KIAA0232: variants seen among roughly 807,000 people sequenced by gnomAD.
KIAA0232 encodes KIAA0232.
In KIAA0232, 27 loss-of-function variants were observed where a neutral mutation model predicts 122.0. The observed-to-expected ratio is 0.22, with a 90% CI of 0.16 to 0.31. The LOEUF (loss-of-function observed/expected upper bound fraction) is 0.31, where lower values mean the gene tolerates loss of function less well. Ranked by LOEUF, KIAA0232 falls within the 10% of genes least tolerant of loss-of-function variation. The pLI, the probability that KIAA0232 is intolerant of heterozygous loss-of-function variation, is 1.00. For synonymous variants in KIAA0232, 613 were observed against 587.6 expected, an observed-to-expected ratio of 1.04 and a Z score of -0.63; for missense variants, 1,551 against 1,634.2, an observed-to-expected ratio of 0.95 and a Z score of 0.88.
chr4:6,788,339 A>G (rs571667470), intron 1 of KIAA0232, among the ~76,000 whole-genome samples: 7 of 152,258 alleles, frequency 4.6e-5, no homozygotes, highest in South Asian at 2.1e-4. Flanking sequence ...TTGTCACCTT[A>G]TATTTCAACA....
chr4:6,870,962 C>T (rs940749339), intron 7 of KIAA0232, among the ~76,000 whole-genome samples: 5 of 152,206 alleles, frequency 3.3e-5, no homozygotes, highest in Admixed American at 2.6e-4. Flanking sequence ...CTTGGGGAAT[C>T]TAGAAGTTTG....
chr4:6,809,191 C>T (rs1055378958), intron 2 of KIAA0232, among the ~76,000 whole-genome samples: 1 of 152,160 alleles, frequency 6.6e-6, no homozygotes, highest in African/African-American at 2.4e-5. Flanking sequence ...GATAGTTTGT[C>T]TGTGTTTACC....
chr4:6,786,921 G>T (rs1208697035), intron 1 of KIAA0232, among the ~76,000 whole-genome samples: 4 of 152,076 alleles, frequency 2.6e-5, no homozygotes, highest in African/African-American at 9.7e-5. Flanking sequence ...GGTGGCTCAC[G>T]CCTGTAATTC....
Position 6,863,624 on chromosome 4 carries a change from A to G in KIAA0232, c.3242A>G (p.Asp1081Gly). The G allele has an allele frequency of 6.2e-7, 1 of 1,614,178 alleles. No individual in the cohort carries two copies. Among genetic ancestry groups the G allele is most frequent in the Non-Finnish European group, 8.5e-7 (1 of 1,180,018 alleles). Reference protein sequence around the residue: ...KPKSILCSDSDSEVFHPRICG... With the variant: ...KPKSILCSDSGSEVFHPRICG... Reference sequence around the variant, plus strand: ...AAATCAATCCTCTGTTCTGATTCAGACAGTGAAGTGTTTCACCCCAGGATA... The same window carrying G: ...AAATCAATCCTCTGTTCTGATTCAGGCAGTGAAGTGTTTCACCCCAGGATA... The change falls in exon 7 of 10, where the codon GAC (aspartate) becomes GGC (glycine). Residue 1081 changes from aspartate (D) to glycine (G), a missense_variant. Physicochemically the swap from Asp to Gly is moderately conservative, Grantham distance 94. This residue lies in a region of KIAA0232 where 1,108 missense variants were observed against 1,154.8 expected (regional missense o/e 0.96). Coordinates refer to ENST00000307659, the MANE Select transcript of KIAA0232 (RefSeq NM_014743.3).
At chr4:6,796,187 A>C (rs1019475176) in intron 1 of KIAA0232, among the ~76,000 whole-genome samples, 7 of 152,166 alleles carry the variant, frequency 4.6e-5, no homozygotes, top group Non-Finnish European at 1.0e-4. Flanking sequence ...GTAGAAGTGA[A>C]CGAGTCCTGG....
At chr4:6,842,912 A>G (rs1429383698) in intron 4 of KIAA0232, among the ~76,000 whole-genome samples, 4 of 152,066 alleles carry the variant, frequency 2.6e-5, no homozygotes, top group Non-Finnish European at 4.4e-5. Flanking sequence ...TCTGTTATGC[A>G]GTCTAGAATA....
chr4:6,866,197 G>A, intron 7 of KIAA0232: 1 of 982,492 alleles, frequency 1.0e-6, no homozygotes, highest in East Asian at 1.1e-4. Context: ...TCCAGATTGG[G>A]AAGAAAGAAA....
At chr4:6,800,541 T>C (rs1445984232) in intron 1 of KIAA0232, among the ~76,000 whole-genome samples, 1 of 151,346 alleles carries the variant, frequency 6.6e-6, no homozygotes, top group Non-Finnish European at 1.5e-5. Flanking sequence ...ATTAGCTGGG[T>C]GTGGTGGTAT....
At chr4:6,850,680 T>G (rs1720228256) in intron 4 of KIAA0232, among the ~76,000 whole-genome samples, 1 of 151,726 alleles carries the variant, frequency 6.6e-6, no homozygotes, top group Admixed American at 6.6e-5. Flanking sequence ...TTCTTTTTTT[T>G]TTTTTTTAGA....
Position 6,862,148 on chromosome 4 carries a change from A to G in KIAA0232, c.1766A>G (p.Gln589Arg). 1 of 1,614,142 alleles carries G rather than the reference A, an allele frequency of 6.2e-7. No homozygotes were observed. The highest frequency in any genetic ancestry group is 1.7e-5 in the Admixed American group (1 of 60,024). Reference protein sequence around the residue: ...LFLQDLGNLAQFWECCSSSSG... With the variant: ...LFLQDLGNLARFWECCSSSSG... ...CTGCAGGACCTTGGCAATCTGGCTC[A>G]GTTTTGGGAGTGCTGTTCATCCAGC... is the stretch of plus-strand genomic sequence containing the variant. The change falls in exon 7 of 10, where the codon CAG becomes CGG. Residue 589 changes from glutamine (Q) to arginine (R), a missense_variant. Physicochemically the swap from Gln to Arg is conservative, Grantham distance 43. This residue lies in a region of KIAA0232 where 1,108 missense variants were observed against 1,154.8 expected (regional missense o/e 0.96). Coordinates refer to ENST00000307659, the MANE Select transcript of KIAA0232 (RefSeq NM_014743.3).
At chr4:6,821,079 A>G (rs1477164176) in intron 2 of KIAA0232, among the ~76,000 whole-genome samples, 1 of 152,194 alleles carries the variant, frequency 6.6e-6, no homozygotes, top group Non-Finnish European at 1.5e-5. Context: ...TACCATCACA[A>G]TGGCAGTTAA....
rs1553826858 is a variant in KIAA0232, at chr4:6,792,691, T to TTA, written c.-354+9851_-354+9852insAT. Among the ~76,000 whole-genome samples the TTA allele has an allele frequency of 1.6e-4, 19 of 121,958 alleles. 1 individual carries two copies. The highest frequency in any genetic ancestry group is 5.1e-4 in the African/African-American group (17 of 33,330). The allele number at this position is 121,958 out of a possible 152,430, so 80.0% of individuals were successfully genotyped here. ...TCTTGATAGTCTTAGGTTTTTTTTT[T>TTA]TTTGTTTTTTTTTTTTGAGACAGAG... On this transcript the variant is annotated intron_variant, in intron 1 of 9. Transcript: ENST00000307659.
intron 4 of KIAA0232, among the ~76,000 whole-genome samples, chr4:6,850,191 G>C (rs914472199): frequency 1.3e-5 from 2 of 152,154 alleles, no homozygotes; most frequent in Non-Finnish European, 2.9e-5. Flanking sequence ...TATGAAAACA[G>C]ATTAAGAGTT....
chr4:6,796,287 G>T (rs1015088156), intron 1 of KIAA0232, among the ~76,000 whole-genome samples: 5 of 152,000 alleles, frequency 3.3e-5, no homozygotes, highest in African/African-American at 1.2e-4. Flanking sequence ...TGTCACCCAG[G>T]TTGGAGTGCA....
At chr4:6,837,124 C>CGGGCGG (rs1560183453) in intron 3 of KIAA0232, among the ~76,000 whole-genome samples, 1 of 151,424 alleles carries the variant, frequency 6.6e-6, no homozygotes, top group Non-Finnish European at 1.5e-5. Flanking sequence ...GGGCAGCGGC[C>CGGGCGG]GGGCGGGGGC....
rs776249560 is a variant in KIAA0232 at position 6,861,538 on chromosome 4, C to G, written c.1156C>G (p.Leu386Val). 1 of 1,613,868 alleles carries G rather than the reference C, an allele frequency of 6.2e-7. No homozygotes were observed. The highest frequency in any genetic ancestry group is 1.3e-5 in the African/African-American group (1 of 74,882). ...KDPGSTEGKD[L>V]YMENRKDTEY... is the part of the protein sequence containing the mutation. ...TCCTGGGAGCACTGAAGGAAAAGAC[C>G]TGTACATGGAGAATAGAAAGGACAC... Residue 386 changes from leucine (L) to valine (V), a missense_variant, in exon 7 of 10, where the codon CTG becomes GTG. This residue lies in a region of KIAA0232 where 377 missense variants were observed against 381.7 expected (regional missense o/e 0.99). Transcript: ENST00000307659.
At chr4:6,828,360 C>T (rs538988352) in intron 3 of KIAA0232, among the ~76,000 whole-genome samples, 2 of 152,208 alleles carry the variant, frequency 1.3e-5, no homozygotes, top group Admixed American at 6.5e-5. Flanking sequence ...GGAAACACAG[C>T]GAGACCCTGT....
Position 6,882,223 on chromosome 4 carries a change from A to G in KIAA0232, c.*1257A>G, listed in dbSNP as rs922160355. On this transcript the variant is annotated 3_prime_UTR_variant, in exon 10 of 10. Transcript: ENST00000307659. ...AGCCGAAACATTTTACATTTTTTAC[A>G]TTGTTTTTCTTTTTTAACCAACTCA... is the stretch of plus-strand genomic sequence containing the variant. 3.3e-5 allele frequency: 5 copies of G among 152,166 alleles called. No individual in the cohort carries two copies. The highest frequency in any genetic ancestry group is 9.6e-5 in the African/African-American group (4 of 41,452). The allele number at this position is 152,166 out of a possible 1,614,324, so 9.4% of individuals were successfully genotyped here. A position where few individuals can be genotyped will look rare whatever the true frequency, so the allele number is the denominator to read the frequency against.
chr4:6,863,597 C>T lies in KIAA0232; in HGVS notation c.3215C>T (p.Pro1072Leu), dbSNP rs745376614. The T allele has an allele frequency of 3.7e-6, 6 of 1,614,042 alleles. No individual in the cohort carries two copies. Among genetic ancestry groups the T allele is most frequent in the East Asian group, 4.5e-5 (2 of 44,876 alleles). ...GIASFSPSFK[P>L]KSILCSDSDS... is the part of the protein sequence containing the mutation. ...GCATCTTTCAGCCCCAGTTTTAAAC[C>T]GAAATCAATCCTCTGTTCTGATTCA... is the stretch of plus-strand genomic sequence containing the variant. Residue 1072 changes from proline to leucine, a missense_variant, in exon 7 of 10, where the codon CCG becomes CTG. Transcript: ENST00000307659.
Sources: gnomAD v4.1 joint callset for allele counts (sites outside exome capture counted in the v4.1 genomes callset) on GRCh38, gnomAD v4.1.1 for gene constraint, gnomAD v4.1.1 regional missense constraint, MANE v1.5 for transcripts, NCBI Gene and HGNC (gene_info 2026-07-23, HGNC 2026-07-21) for gene names.